LRRIQ3: variants seen among roughly 807,000 people sequenced by gnomAD.
The protein encoded by LRRIQ3 is leucine-rich repeat and IQ domain-containing protein 3.
Under a neutral mutation model 59.3 loss-of-function variants are expected in LRRIQ3, and 75 were observed. The observed-to-expected ratio is 1.26, with a 90% CI of 1.05 to 1.53. LRRIQ3 has a LOEUF of 1.53. Among genes scored for constraint, LRRIQ3 ranks in the 40% most tolerant of loss-of-function variants. The pLI, the probability that LRRIQ3 is intolerant of heterozygous loss-of-function variation, is 0.00. For missense variants in LRRIQ3, 831 were observed against 710.0 expected, an observed-to-expected ratio of 1.17 and a Z score of -1.94; for synonymous variants, 250 against 231.3, an observed-to-expected ratio of 1.08 and a Z score of -0.73.
At chr1:74,068,567 T>C (rs1254001000) in intron 6 of LRRIQ3, among the ~76,000 whole-genome samples, 1 of 152,058 alleles carries the variant, frequency 6.6e-6, no homozygotes, top group Non-Finnish European at 1.5e-5. Context: ...CTGATTTAAA[T>C]TTCACCTTCT....
intron 4 of LRRIQ3, among the ~76,000 whole-genome samples, chr1:74,112,713 C>A (rs114249543): frequency 1.3e-5 from 2 of 152,246 alleles, no homozygotes; most frequent in Non-Finnish European, 2.9e-5. Context: ...GGCCAAATAG[C>A]TGACTATAGC....
At chr1:74,159,457 TAAC>T (rs1648535758) in intron 3 of LRRIQ3, among the ~76,000 whole-genome samples, 1 of 152,252 alleles carries the variant, frequency 6.6e-6, no homozygotes, top group South Asian at 2.1e-4. Context: ...AAGCGTGACT[TAAC>T]AATGTCAATC....
chr1:74,080,044 T>C (rs1646256343), intron 5 of LRRIQ3, among the ~76,000 whole-genome samples: 1 of 151,698 alleles, frequency 6.6e-6, no homozygotes, highest in Non-Finnish European at 1.5e-5. Flanking sequence ...GGTGTTTCTA[T>C]CAACTTATCA....
At chr1:74,102,554 C>T (rs1457202106) in intron 5 of LRRIQ3, among the ~76,000 whole-genome samples, 1 of 152,004 alleles carries the variant, frequency 6.6e-6, no homozygotes, top group African/African-American at 2.4e-5. Context: ...CTACGAAAAG[C>T]AGGATGGAGG....
chr1:74,081,461 T>C (rs973170665), intron 5 of LRRIQ3, among the ~76,000 whole-genome samples: 2 of 151,646 alleles, frequency 1.3e-5, no homozygotes, highest in Non-Finnish European at 3.0e-5. Context: ...AGTGGGCACT[T>C]GGTAGTAGCC....
intron 6 of LRRIQ3, among the ~76,000 whole-genome samples, chr1:74,060,224 C>G (rs373616249): frequency 2.7e-3 from 308 of 112,188 alleles, no homozygotes; most frequent in African/African-American, 8.9e-3. Context: ...TCTTCTTGTT[C>G]TTCTTCTTCT....
chr1:74,131,812 G>T (rs1357377327), intron 4 of LRRIQ3, among the ~76,000 whole-genome samples: 1 of 152,078 alleles, frequency 6.6e-6, no homozygotes, highest in Non-Finnish European at 1.5e-5. Flanking sequence ...TTTGAAAACT[G>T]GCACAAGACA....
intron 6 of LRRIQ3, among the ~76,000 whole-genome samples, chr1:74,074,099 T>C (rs1646168923): frequency 6.6e-6 from 1 of 152,188 alleles, no homozygotes; most frequent in Non-Finnish European, 1.5e-5. Flanking sequence ...GGTACAATGC[T>C]GACATAGCCA....
chr1:74,076,001 C>T (rs969763877), intron 5 of LRRIQ3, among the ~76,000 whole-genome samples: 2 of 152,092 alleles, frequency 1.3e-5, no homozygotes, highest in African/African-American at 4.8e-5. Flanking sequence ...GGCCCCACAT[C>T]CGGCTATGAA....
At chr1:74,071,713 T>C (rs1030151884) in intron 6 of LRRIQ3, among the ~76,000 whole-genome samples, 6 of 152,146 alleles carry the variant, frequency 3.9e-5, no homozygotes, top group Non-Finnish European at 8.8e-5. Flanking sequence ...AAGGCACATA[T>C]GTTTTGTATA....
intron 6 of LRRIQ3, among the ~76,000 whole-genome samples, chr1:74,042,513 T>C (rs186154877): frequency 8.5e-5 from 13 of 152,222 alleles, no homozygotes; most frequent in Admixed American, 5.2e-4. Context: ...CTTAGTTATC[T>C]TTTACAAAAA....
chr1:74,133,157 A>G (rs1344402842), intron 4 of LRRIQ3, among the ~76,000 whole-genome samples: 1 of 152,102 alleles, frequency 6.6e-6, no homozygotes, highest in Non-Finnish European at 1.5e-5. Flanking sequence ...CAAAAACACA[A>G]TGAGATACCA....
At chr1:74,197,943 T>C in intron 1 of LRRIQ3, 53 bp downstream of exon 1, 1 of 362,864 alleles carries the variant, frequency 2.8e-6, no homozygotes, top group Non-Finnish European at 5.0e-6. Flanking sequence ...AGTTTCGCCT[T>C]ATCCTTAGCG....
chr1:74,082,818 C>T (rs1229654114), intron 5 of LRRIQ3: 1 of 151,492 alleles, frequency 6.6e-6, no homozygotes, highest in Admixed American at 6.6e-5. Flanking sequence ...TTTATAAACA[C>T]ATATTGATAA....
At chr1:74,178,133 A>T (rs1451174374) in intron 3 of LRRIQ3, among the ~76,000 whole-genome samples, 3 of 151,892 alleles carry the variant, frequency 2.0e-5, no homozygotes, top group Non-Finnish European at 4.4e-5. Flanking sequence ...TCTACTTAAT[A>T]TATATTTGCT....
At chr1:74,152,840 C>A (rs1397721555) in intron 4 of LRRIQ3, among the ~76,000 whole-genome samples, 2 of 152,072 alleles carry the variant, frequency 1.3e-5, no homozygotes, top group South Asian at 2.1e-4. Context: ...AATACCGGAA[C>A]CTGATATTTA....
intron 6 of LRRIQ3, among the ~76,000 whole-genome samples, chr1:74,064,322 C>T (rs574209252): frequency 4.1e-4 from 62 of 151,920 alleles, no homozygotes; most frequent in African/African-American, 1.4e-3. Flanking sequence ...GTTACACCTG[C>T]CTCCTTTATG....
At chr1:74,027,758 A>C (rs1315991539) in intron 7 of LRRIQ3, among the ~76,000 whole-genome samples, 1 of 152,132 alleles carries the variant, frequency 6.6e-6, no homozygotes, top group Non-Finnish European at 1.5e-5. Context: ...ATTGTGATGC[A>C]TGGCACTAAC....
intron 4 of LRRIQ3, among the ~76,000 whole-genome samples, chr1:74,145,410 G>A (rs1355034297): frequency 6.6e-6 from 1 of 152,040 alleles, no homozygotes; most frequent in African/African-American, 2.4e-5. Context: ...CTGTCTTCCT[G>A]AATTTTTCGT....
Sources: allele counts gnomAD v4.1 joint callset (sites outside exome capture counted in the v4.1 genomes callset), GRCh38; gene constraint gnomAD v4.1.1; transcripts MANE v1.5; gene names NCBI Gene and HGNC (gene_info 2026-07-23, HGNC 2026-07-21).